Variants in EFNB2 observed in about 807,000 individuals in gnomAD.
EFNB2 encodes the protein ephrin B2.
EFNB2 carries 5 observed loss-of-function variants against 32.1 expected under a neutral mutation model. The observed-to-expected ratio is 0.16, with a 90% confidence interval of 0.08 to 0.33. The LOEUF is 0.33. EFNB2 is among the 10% of genes least tolerant of loss of function. The probability of loss-of-function intolerance (pLI) is 1.00; values close to 1 mark genes in which losing one functional copy is unlikely to be tolerated. For synonymous variants in EFNB2, 168 were observed against 166.5 expected, an observed-to-expected ratio of 1.01 and a Z score of -0.07; for missense variants, 263 against 422.6, an observed-to-expected ratio of 0.62 and a Z score of 3.31.
At chr13:106,512,147 A>G (rs1879158109) in intron 2 of EFNB2, among the ~76,000 whole-genome samples, 1 of 152,162 alleles carries the variant, frequency 6.6e-6, no homozygotes, top group East Asian at 1.9e-4. Flanking sequence ...ATACGAAATG[A>G]ATGAGTGAAT....
chr13:106,533,198 A>C (rs925605845), intron 1 of EFNB2, among the ~76,000 whole-genome samples: 8 of 150,554 alleles, frequency 5.3e-5, no homozygotes, highest in African/African-American at 1.7e-4. Context: ...GCGCTGCGCG[A>C]TTCCGCATGG....
At chr13:106,526,451 G>T (rs1417206792) in intron 1 of EFNB2, among the ~76,000 whole-genome samples, 1 of 152,136 alleles carries the variant, frequency 6.6e-6, no homozygotes, top group Non-Finnish European at 1.5e-5. Context: ...AGTACAAAGT[G>T]CTGTGGGATT....
intron 1 of EFNB2, among the ~76,000 whole-genome samples, chr13:106,515,209 C>G (rs1179129753): frequency 6.6e-6 from 1 of 152,096 alleles, no homozygotes; most frequent in Non-Finnish European, 1.5e-5. Context: ...CTTTGGGGAT[C>G]TCTGTGTTTG....
chr13:106,523,804 G>A (rs752919418), intron 1 of EFNB2, among the ~76,000 whole-genome samples: 2 of 152,198 alleles, frequency 1.3e-5, no homozygotes, highest in Non-Finnish European at 2.9e-5. Flanking sequence ...TCTCAGCTCT[G>A]ACAAGCTGGA....
At chr13:106,513,280 T>A (rs1012896332) in intron 1 of EFNB2, among the ~76,000 whole-genome samples, 1 of 152,258 alleles carries the variant, frequency 6.6e-6, no homozygotes, top group African/African-American at 2.4e-5. Flanking sequence ...TTCCCTGTGC[T>A]GTTGATGTTA....
Position 106,535,660 on chromosome 13 carries a change from A to C in EFNB2, c.-696T>G, listed in dbSNP as rs927683517. The C allele has an allele frequency of 6.6e-6, 1 of 150,392 alleles. No homozygotes were observed. Among genetic ancestry groups the C allele is most frequent in the Non-Finnish European group, 1.5e-5 (1 of 67,452 alleles). The allele number at this position is 150,392 out of a possible 1,614,324, so 9.3% of individuals were successfully genotyped here. A position where few individuals can be genotyped will look rare whatever the true frequency, so the allele number is the denominator to read the frequency against. On this transcript the variant is annotated 5_prime_UTR_variant, in exon 1 of 5. Transcript: ENST00000646441. Reference sequence around the variant, plus strand: ...GCCGCGGTCCCCGCCGAGGAGAGTCAGCGCGGCCGCCGCGCTGTCAGAGCG... The same window carrying C: ...GCCGCGGTCCCCGCCGAGGAGAGTCCGCGCGGCCGCCGCGCTGTCAGAGCG...
chr13:106,510,079 T>C (rs1265657150), intron 2 of EFNB2: 1 of 152,184 alleles, frequency 6.6e-6, no homozygotes, highest in African/African-American at 2.4e-5. Flanking sequence ...TTAAGAAAGA[T>C]TCATTTATCC....
intron 2 of EFNB2, among the ~76,000 whole-genome samples, chr13:106,498,669 A>C (rs920224317): frequency 2.0e-5 from 3 of 152,216 alleles, no homozygotes; most frequent in Non-Finnish European, 4.4e-5. Flanking sequence ...TGGTTTAAAA[A>C]AAAAGTGTGT....
At chr13:106,517,797 C>CT (rs1391384812) in intron 1 of EFNB2, 3 of 152,200 alleles carry the variant, frequency 2.0e-5, no homozygotes, top group Non-Finnish European at 4.4e-5. Flanking sequence ...TCAAGTAGGG[C>CT]TTCCAAACTT....
chr13:106,503,399 T>C (rs943157231), intron 2 of EFNB2, among the ~76,000 whole-genome samples: 1 of 152,162 alleles, frequency 6.6e-6, no homozygotes, highest in Admixed American at 6.5e-5. Context: ...TAACTTCACA[T>C]AGAAGAGCCA....
At chr13:106,524,803 TAGAA>T (rs1187338549) in intron 1 of EFNB2, among the ~76,000 whole-genome samples, 1 of 152,176 alleles carries the variant, frequency 6.6e-6, no homozygotes, top group African/African-American at 2.4e-5. Context: ...AAAGTGTTAT[TAGAA>T]AGCACCAAAA....
At chr13:106,531,454 G>C (rs999290259) in intron 1 of EFNB2, among the ~76,000 whole-genome samples, 1 of 152,106 alleles carries the variant, frequency 6.6e-6, no homozygotes, top group African/African-American at 2.4e-5. Context: ...TATTAAAACC[G>C]ACAAGATTAA....
intron 3 of EFNB2, among the ~76,000 whole-genome samples, chr13:106,495,537 T>G (rs1337766198): frequency 6.6e-6 from 1 of 152,128 alleles, no homozygotes; most frequent in Non-Finnish European, 1.5e-5. Context: ...GCAATAGACA[T>G]TCTACCTTGC....
In EFNB2 at chr13:106,524,242, T is replaced by C. The variant is rs80084494; in HGVS notation, c.122+10601A>G. ...GATAATGACAGAATTAAACCAATTA[T>C]ACCACAAACTTTTTGATCCATCATG... On this transcript the variant is annotated intron_variant, in intron 1 of 4. Transcript: ENST00000646441. 2.6e-3 allele frequency among the ~76,000 whole-genome samples: 403 copies of C among 152,344 alleles called. 1 individual carries two copies. Among genetic ancestry groups the C allele is most frequent in the Admixed American group, 4.6e-3 (71 of 15,306 alleles).
chr13:106,500,090 T>C (rs577055911), intron 2 of EFNB2, among the ~76,000 whole-genome samples: 1 of 152,250 alleles, frequency 6.6e-6, no homozygotes, highest in East Asian at 1.9e-4. Context: ...AGAGAACCAG[T>C]GAGTAACTGT....
At chr13:106,509,973 TAGCCCTGAGTCCTCCACCC>T (rs1157967486) in intron 2 of EFNB2, 1 of 152,200 alleles carries the variant, frequency 6.6e-6, no homozygotes, top group Non-Finnish European at 1.5e-5. Context: ...GCAAACTTCT[TAGCCCTGAGTCCTCCACCC>T]AGCCCTTATG....
At chr13:106,505,412 C>T (rs1021425219) in intron 2 of EFNB2, among the ~76,000 whole-genome samples, 2 of 152,158 alleles carry the variant, frequency 1.3e-5, no homozygotes, top group Non-Finnish European at 2.9e-5. Context: ...CTAAGCTACT[C>T]ACACTAAGTT....
chr13:106,497,889 G>A (rs2138902608), intron 2 of EFNB2, among the ~76,000 whole-genome samples: 1 of 152,230 alleles, frequency 6.6e-6, no homozygotes, highest in South Asian at 2.1e-4. Context: ...ATTAATTGTT[G>A]AGAATTTTCC....
Position 106,535,532 on chromosome 13 carries a change from G to A in EFNB2, c.-568C>T, listed in dbSNP as rs1382294874. 2 of 149,770 alleles carry A rather than the reference G, an allele frequency of 1.3e-5. No individual in the cohort carries two copies. Among genetic ancestry groups the A allele is most frequent in the African/African-American group, 4.9e-5 (2 of 41,042 alleles). The allele number at this position is 149,770 out of a possible 1,614,324, so 9.3% of individuals were successfully genotyped here. ...GGCTCCCGGCCCCCAGGGCAGGAAA[G>A]AGGGAGCTCGGTCCCCGCCGCGGGC... On this transcript the variant is annotated 5_prime_UTR_variant, in exon 1 of 5. Transcript: ENST00000646441.
Sources: gnomAD v4.1 joint callset for allele counts (sites outside exome capture counted in the v4.1 genomes callset) on GRCh38, gnomAD v4.1.1 for gene constraint, MANE v1.5 for transcripts, NCBI Gene and HGNC (gene_info 2026-07-23, HGNC 2026-07-21) for gene names.